The following BTBD3 variants were observed in gnomAD, a reference collection of about 807,000 sequenced individuals.
BTBD3 encodes BTB/POZ domain-containing protein 3.
In BTBD3, 14 loss-of-function variants were observed where a neutral mutation model predicts 41.6. The observed-to-expected ratio is 0.34, with a 90% confidence interval of 0.22 to 0.53. The LOEUF is 0.53. BTBD3 is among the 20% of genes least tolerant of loss of function. The pLI is 0.95. For missense variants in BTBD3, 426 were observed against 654.7 expected, an observed-to-expected ratio of 0.65 and a Z score of 3.81; for synonymous variants, 249 against 233.7, an observed-to-expected ratio of 1.07 and a Z score of -0.60.
chr20:11,897,896 C>T lies in BTBD3; in HGVS notation c.-126+6942C>T, dbSNP rs1486237748. ...GATCTGGGCCGGGCATGGTGGTTCA[C>T]GCCTGTAATCCAGCACTTTGGTAGG... On this transcript the variant is annotated intron_variant, in intron 1 of 4. Transcript: ENST00000254977. 5.3e-5 allele frequency among the ~76,000 whole-genome samples: 8 copies of T among 152,244 alleles called. No homozygotes were observed. The East Asian group carries it at 5.8e-4, about 11-fold the overall frequency.
chr20:11,908,754 A>G (rs1199041033), intron 1 of BTBD3, among the ~76,000 whole-genome samples: 1 of 152,144 alleles, frequency 6.6e-6, no homozygotes, highest in Non-Finnish European at 1.5e-5. Context: ...TCTGATTATA[A>G]TAGCATGAGA....
Position 11,925,035 on chromosome 20 carries a change from C to CA in BTBD3, c.*1370dup, listed in dbSNP as rs1397767370. The CA allele has an allele frequency of 6.5e-5, 10 of 152,690 alleles. No homozygotes were observed. The highest frequency in any genetic ancestry group is 2.0e-4 in the Admixed American group (3 of 15,282). The allele number at this position is 152,690 out of a possible 1,614,324, so 9.5% of individuals were successfully genotyped here. ...TGTCCCTGGCAGTGTCCAGTGTGTT[C>CA]ACTTCCAGTTGAAGTATCCATGTGT... On this transcript the variant is annotated 3_prime_UTR_variant, in exon 4 of 4. Transcript: ENST00000378226.
chr20:11,908,455 T>C (rs1395795351), intron 1 of BTBD3, among the ~76,000 whole-genome samples: 1 of 151,556 alleles, frequency 6.6e-6, no homozygotes, highest in South Asian at 2.1e-4. Context: ...GTCCTCCCTA[T>C]TGTTATGTGA....
chr20:11,902,984 A>G (rs1600231145), intron 1 of BTBD3, among the ~76,000 whole-genome samples: 1 of 152,174 alleles, frequency 6.6e-6, no homozygotes, highest in Admixed American at 6.5e-5. Context: ...ATTTTCCAAT[A>G]TAGTTATTGA....
chr20:11,897,484 C>CAAAAAAAAA (rs71186168), intron 1 of BTBD3, among the ~76,000 whole-genome samples: 4 of 65,372 alleles, frequency 6.1e-5, no homozygotes, highest in South Asian at 8.2e-4. Context: ...GTTATTTAAG[C>CAAAAAAAAA]AAAAAAAAAA....
At position 11,923,645 on chromosome 20, in the gene BTBD3, T is replaced by C. The variant is rs1410161820; in HGVS notation, c.1548T>C (p.Pro516=). 6.2e-7 allele frequency: 1 copy of C among 1,605,586 alleles called. No individual in the cohort carries two copies. The highest frequency in any genetic ancestry group is 2.2e-5 in the East Asian group (1 of 44,836). The change falls in exon 4 of 4, where the codon CCT becomes CCC. Residue 516 remains proline, a synonymous_variant. Transcript: ENST00000378226. The surrounding 1 kb of genome is among the most constrained non-coding windows in gnomAD (Gnocchi z 5.3). ...NGTGVQGGQI[P]ELIFYA The stretch of plus-strand genomic sequence containing the variant: ...CTGGGGTACAGGGAGGGCAGATCCC[T>C]GAACTTATATTCTATGCTTGAAAAC...
chr20:11,904,909 A>G (rs897047578), intron 1 of BTBD3, among the ~76,000 whole-genome samples: 3 of 152,328 alleles, frequency 2.0e-5, no homozygotes, highest in Non-Finnish European at 4.4e-5. Flanking sequence ...CGACCATTGT[A>G]CTTTGGATCT....
At chr20:11,904,194 T>C (rs2056840027) in intron 1 of BTBD3, among the ~76,000 whole-genome samples, 1 of 152,218 alleles carries the variant, frequency 6.6e-6, no homozygotes, top group Non-Finnish European at 1.5e-5. Flanking sequence ...CTCACAGTTC[T>C]GCAGGCTCTA....
upstream of BTBD3, among the ~76,000 whole-genome samples, chr20:11,917,319 C>A (rs1027151670): frequency 1.3e-5 from 2 of 152,116 alleles, no homozygotes; most frequent in African/African-American, 4.8e-5. Context: ...ACCTGAGACA[C>A]CTGTCAAAGA....
At chr20:11,899,916 T>C (rs1335540548) in intron 1 of BTBD3, among the ~76,000 whole-genome samples, 1 of 152,240 alleles carries the variant, frequency 6.6e-6, no homozygotes, top group African/African-American at 2.4e-5. Flanking sequence ...GTATGTGTGT[T>C]TAGAAATGGA....
At chr20:11,902,106 TTAAC>T (rs1232023318) in intron 1 of BTBD3, among the ~76,000 whole-genome samples, 1 of 148,254 alleles carries the variant, frequency 6.7e-6, no homozygotes, top group Admixed American at 6.7e-5. Flanking sequence ...TCACAAAAAC[TTAAC>T]TAATAGCTTA....
At chr20:11,891,485 GA>G (rs2056753847) in intron 1 of BTBD3, 1 of 152,106 alleles carries the variant, frequency 6.6e-6, no homozygotes, top group Non-Finnish European at 1.5e-5. Context: ...GGACTCCGGG[GA>G]CCGACGCTCC....
At chr20:11,906,579 G>C (rs1262276020) in intron 1 of BTBD3, among the ~76,000 whole-genome samples, 2 of 152,006 alleles carry the variant, frequency 1.3e-5, no homozygotes, top group Non-Finnish European at 2.9e-5. Flanking sequence ...CTTCAATGTT[G>C]TAAGGGAATA....
intron 1 of BTBD3, 39 bp from the exon 2 acceptor site, chr20:11,919,047 G>T: frequency 1.3e-6 from 2 of 1,483,150 alleles, no homozygotes; most frequent in Non-Finnish European, 9.3e-7. Flanking sequence ...TGTTAAAAAT[G>T]CAGGCTGCTG....
chr20:11,906,745 C>T (rs998021895), intron 1 of BTBD3, among the ~76,000 whole-genome samples: 3 of 152,172 alleles, frequency 2.0e-5, no homozygotes, highest in Admixed American at 6.5e-5. Flanking sequence ...TGAAATGAGA[C>T]ATCGCCCATC....
chr20:11,903,507 T>C (rs2056835723), intron 1 of BTBD3, among the ~76,000 whole-genome samples: 1 of 152,224 alleles, frequency 6.6e-6, no homozygotes, highest in African/African-American at 2.4e-5. Flanking sequence ...TCAATTAATA[T>C]GATTTTGCAC....
At chr20:11,912,030 C>G (rs1251913521) in intron 1 of BTBD3, among the ~76,000 whole-genome samples, 2 of 152,270 alleles carry the variant, frequency 1.3e-5, no homozygotes, top group South Asian at 2.1e-4. Flanking sequence ...CCCCACCCCC[C>G]GCTCACCCCA....
rs2056869171 is a variant in BTBD3 at position 11,908,337 on chromosome 20, TTTA to T, written c.-125-9996_-125-9994del. Among the ~76,000 whole-genome samples, 4 of 148,522 alleles carry T rather than the reference TTTA, an allele frequency of 2.7e-5. No individual in the cohort carries two copies. In the South Asian group the frequency reaches 8.6e-4, roughly 32 times the overall value. The stretch of plus-strand genomic sequence containing the variant: ...TTCTCTGTGGTTTTTTTTTTTTTTT[TTTA>T]AATAAGGTACTGACAGTTGAGTTGC... On this transcript the variant is annotated intron_variant, in intron 1 of 4. Transcript: ENST00000254977.
At chr20:11,903,747 C>T (rs1425107100) in intron 1 of BTBD3, among the ~76,000 whole-genome samples, 1 of 152,032 alleles carries the variant, frequency 6.6e-6, no homozygotes, top group Non-Finnish European at 1.5e-5. Context: ...GCTGGGATTA[C>T]AGGTGCCCGC....
Sources: gnomAD v4.1 joint callset for allele counts (sites outside exome capture counted in the v4.1 genomes callset) on GRCh38, gnomAD v4.1.1 for gene constraint, Gnocchi (gnomAD v3.1) non-coding constraint, MANE v1.5 for transcripts, NCBI Gene and HGNC (gene_info 2026-07-23, HGNC 2026-07-21) for gene names.